The following ZCCHC7 variants were observed in gnomAD, a reference collection of about 807,000 sequenced individuals.
ZCCHC7 encodes zinc finger CCHC-type containing 7.
In ZCCHC7, 35 loss-of-function variants were observed where a neutral mutation model predicts 52.0. The ratio of observed to expected loss-of-function variants is 0.67; its 90% confidence interval spans 0.51 to 0.89. The LOEUF (loss-of-function observed/expected upper bound fraction) is 0.89, where lower values mean the gene tolerates loss of function less well. Ranked by LOEUF, ZCCHC7 falls within the 40% of genes least tolerant of loss-of-function variation. ZCCHC7 has a pLI of 0.00. For missense variants in ZCCHC7, 574 were observed against 649.1 expected (o/e 0.88, Z 1.26); for synonymous variants, 217 against 221.5 (o/e 0.98, Z 0.18).
intron 2 of ZCCHC7, among the ~76,000 whole-genome samples, chr9:37,251,515 A>T (rs1826327024): frequency 6.6e-6 from 1 of 152,060 alleles, no homozygotes; most frequent in African/African-American, 2.4e-5. Flanking sequence ...CCTTGTGTTG[A>T]GCAGTATCAG....
chr9:37,270,333 C>G (rs554368137), intron 2 of ZCCHC7, among the ~76,000 whole-genome samples: 19 of 152,216 alleles, frequency 1.2e-4, no homozygotes, highest in Admixed American at 7.2e-4. Flanking sequence ...GAGTCAAGTT[C>G]TTGGCATTTT....
chr9:37,326,652 C>A (rs1377707420), intron 5 of ZCCHC7, among the ~76,000 whole-genome samples: 1 of 151,304 alleles, frequency 6.6e-6, no homozygotes, highest in Non-Finnish European at 1.5e-5. Flanking sequence ...GAGGTATTGG[C>A]ATTCAAATGT....
chr9:37,186,688 T>A (rs774022902), intron 2 of ZCCHC7: 2 of 592,756 alleles, frequency 3.4e-6, no homozygotes, highest in Admixed American at 2.7e-5. Context: ...ATTTACAGAT[T>A]CAAATATTTT....
chr9:37,123,700 C>T (rs925668970), intron 1 of ZCCHC7, among the ~76,000 whole-genome samples: 12 of 152,112 alleles, frequency 7.9e-5, no homozygotes, highest in Non-Finnish European at 1.3e-4. Flanking sequence ...CACACTGGAT[C>T]CTCAGGATGG....
At chr9:37,193,772 C>A (rs1341688439) in intron 2 of ZCCHC7, among the ~76,000 whole-genome samples, 1 of 152,130 alleles carries the variant, frequency 6.6e-6, no homozygotes, top group Non-Finnish European at 1.5e-5. Flanking sequence ...CCTGCTCTTA[C>A]TACAAAAGCT....
intron 5 of ZCCHC7, among the ~76,000 whole-genome samples, chr9:37,323,192 T>G (rs550559298): frequency 6.6e-6 from 1 of 152,326 alleles, no homozygotes; most frequent in Non-Finnish European, 1.5e-5. Flanking sequence ...ATGCTACATT[T>G]TACTAGCTCT....
Position 37,303,820 on chromosome 9 carries a change from C to T in ZCCHC7, c.655-368C>T, listed in dbSNP as rs547345509. Among the ~76,000 whole-genome samples the T allele has an allele frequency of 2.3e-4, 35 of 152,120 alleles. No individual in the cohort carries two copies. In the South Asian group the frequency reaches 5.2e-3, roughly 23 times the overall value. On this transcript the variant is annotated intron_variant, in intron 3 of 8. Transcript: ENST00000336755. ...CTGGGATTACAGACCTGCGCCACCA[C>T]GCCCAGCTAGTTTTGTATTTTTAGT... is the stretch of plus-strand genomic sequence containing the variant.
intron 5 of ZCCHC7, among the ~76,000 whole-genome samples, chr9:37,306,332 G>A (rs1829304069): frequency 6.6e-6 from 1 of 152,108 alleles, no homozygotes; most frequent in African/African-American, 2.4e-5. Flanking sequence ...GCCTCCTAAA[G>A]TGCTGGGATT....
intron 7 of ZCCHC7, among the ~76,000 whole-genome samples, chr9:37,349,994 G>T (rs952124456): frequency 6.6e-6 from 1 of 151,470 alleles, no homozygotes; most frequent in African/African-American, 2.4e-5. Context: ...TACCATATTG[G>T]TCAGGCTGGT....
At chr9:37,129,772 G>C (rs1842696874) in intron 2 of ZCCHC7, among the ~76,000 whole-genome samples, 1 of 152,192 alleles carries the variant, frequency 6.6e-6, no homozygotes, top group Non-Finnish European at 1.5e-5. Context: ...CCTTGAGGTT[G>C]GGTCTTTTCC....
intron 2 of ZCCHC7, among the ~76,000 whole-genome samples, chr9:37,190,860 A>G (rs1822980850): frequency 6.6e-6 from 1 of 152,068 alleles, no homozygotes; most frequent in South Asian, 2.1e-4. Flanking sequence ...CTCTACTAAA[A>G]AAAAATACCA....
intron 2 of ZCCHC7, among the ~76,000 whole-genome samples, chr9:37,255,225 C>T (rs1029194317): frequency 2.0e-5 from 3 of 152,030 alleles, no homozygotes; most frequent in African/African-American, 7.2e-5. Flanking sequence ...GTGAATGTGG[C>T]ACTGTACTCA....
chr9:37,242,192 A>G (rs1159110990), intron 2 of ZCCHC7, among the ~76,000 whole-genome samples: 2 of 151,836 alleles, frequency 1.3e-5, no homozygotes, highest in Non-Finnish European at 3.0e-5. Context: ...ATTAAATAAA[A>G]TGATTAACAT....
At chr9:37,128,166 T>C (rs1842621310) in intron 2 of ZCCHC7, among the ~76,000 whole-genome samples, 1 of 152,152 alleles carries the variant, frequency 6.6e-6, no homozygotes, top group Non-Finnish European at 1.5e-5. Flanking sequence ...ATGGATTGGG[T>C]TGGGGGCCAG....
chr9:37,167,034 A>G (rs984540253), intron 2 of ZCCHC7, among the ~76,000 whole-genome samples: 18 of 152,212 alleles, frequency 1.2e-4, no homozygotes, highest in Non-Finnish European at 2.1e-4. Context: ...AAAATTTCAA[A>G]AAATTTCTTT....
intron 1 of ZCCHC7, among the ~76,000 whole-genome samples, chr9:37,123,224 T>C (rs111577004): frequency 0.025 from 3,075 of 124,938 alleles, 89 homozygotes; most frequent in African/African-American, 0.068. Context: ...TGTGTGTGTG[T>C]GCGTGTGCGT....
At chr9:37,149,660 CTTA>C (rs775252236) in intron 2 of ZCCHC7, among the ~76,000 whole-genome samples, 3 of 152,172 alleles carry the variant, frequency 2.0e-5, no homozygotes, top group South Asian at 4.1e-4. Flanking sequence ...TCTGTAGATT[CTTA>C]TTATAGTGTT....
intron 1 of ZCCHC7, among the ~76,000 whole-genome samples, chr9:37,124,987 G>T (rs1034555852): frequency 4.6e-5 from 7 of 152,050 alleles, no homozygotes; most frequent in Non-Finnish European, 8.8e-5. Context: ...GAGTAGCTGG[G>T]ATTATAGGCG....
chr9:37,333,561 T>G (rs1228715355), intron 6 of ZCCHC7, among the ~76,000 whole-genome samples: 2 of 151,718 alleles, frequency 1.3e-5, no homozygotes, highest in Non-Finnish European at 3.0e-5. Context: ...TGGTCATCTG[T>G]TTTCTTATCT....
Sources: gnomAD v4.1 joint callset for allele counts (sites outside exome capture counted in the v4.1 genomes callset) on GRCh38, gnomAD v4.1.1 for gene constraint, MANE v1.5 for transcripts, NCBI Gene and HGNC (gene_info 2026-07-23, HGNC 2026-07-21) for gene names.